Variants in ITGA11 observed in about 807,000 individuals in gnomAD.
ITGA11 encodes the protein integrin alpha-11.
A neutral mutation model predicts 141.9 loss-of-function variants in ITGA11; 97 were observed. That is an observed-to-expected ratio of 0.68 (90% CI 0.58 to 0.81). The LOEUF is 0.81. ITGA11 is among the 30% of genes least tolerant of loss of function. ITGA11 has a pLI of 0.00. For missense variants in ITGA11, 1,387 were observed against 1,559.2 expected (o/e 0.89, Z 1.86); for synonymous variants, 658 against 624.6 (o/e 1.05, Z -0.80).
intron 19 of ITGA11, among the ~76,000 whole-genome samples, chr15:68,320,870 C>T (rs1187866529): frequency 6.6e-6 from 1 of 152,166 alleles, no homozygotes; most frequent in East Asian, 1.9e-4. Context: ...ATAGTTGGAT[C>T]AAAGTTGAGC....
intron 2 of ITGA11, among the ~76,000 whole-genome samples, chr15:68,384,572 G>C (rs1895938396): frequency 6.6e-6 from 1 of 152,180 alleles, no homozygotes; most frequent in Non-Finnish European, 1.5e-5. Flanking sequence ...GGTCTGCTGG[G>C]TGGCTTGGCC....
chr15:68,309,945 G>A (rs1201212095), intron 26 of ITGA11, among the ~76,000 whole-genome samples: 1 of 152,086 alleles, frequency 6.6e-6, no homozygotes, highest in Non-Finnish European at 1.5e-5. Flanking sequence ...AATAATGGTT[G>A]CCCTTTAAAG....
In ITGA11 at chr15:68,305,301, C is replaced by G. The variant is rs1893156446; in HGVS notation, c.3382-1416G>C. Among the ~76,000 whole-genome samples, 1 of 152,238 alleles carries G rather than the reference C, an allele frequency of 6.6e-6. No homozygotes were observed. Among genetic ancestry groups the G allele is most frequent in the Non-Finnish European group, 1.5e-5 (1 of 68,044 alleles). On this transcript the variant is annotated intron_variant, in intron 28 of 29. Coordinates refer to ENST00000315757, the MANE Select transcript of ITGA11 (RefSeq NM_001004439.2). The surrounding 1 kb of genome is among the most constrained non-coding windows in gnomAD (Gnocchi z 4.6). The stretch of plus-strand genomic sequence containing the variant: ...GTCACTTTATTGGAGAGGCTTTTCC[C>G]AACTCCCCTGTATAAAACAGCACCC...
rs543295398 is a variant in ITGA11, at chr15:68,392,123, C to T, written c.164+10795G>A. The stretch of plus-strand genomic sequence containing the variant: ...CAATTACTATTCAATTTGATAAGTG[C>T]TATGAAAAGAGAAACACAGAATTCT... On this transcript the variant is annotated intron_variant, in intron 2 of 29. Coordinates refer to ENST00000315757, the MANE Select transcript of ITGA11 (RefSeq NM_001004439.2). Among the ~76,000 whole-genome samples the T allele has an allele frequency of 2.6e-5, 4 of 152,166 alleles. No homozygotes were observed. In the South Asian group the frequency reaches 8.3e-4, roughly 32 times the overall value.
chr15:68,300,877 C>T lies in ITGA11; in HGVS notation c.*2182G>A, dbSNP rs1595845370. The T allele has an allele frequency of 6.6e-6, 1 of 152,162 alleles. No individual in the cohort carries two copies. Among genetic ancestry groups the T allele is most frequent in the African/African-American group, 2.4e-5 (1 of 41,424 alleles). 9.4% of individuals were successfully genotyped at this position (152,162 alleles called of 1,614,324 possible). A position where few individuals can be genotyped will look rare whatever the true frequency, so the allele number is the denominator to read the frequency against. On this transcript the variant is annotated 3_prime_UTR_variant, in exon 30 of 30. Transcript: ENST00000315757. ...AGTTTTTAAAAATATGAATGCCAGCCTCTAAAAATCAGATATCCATAAGAG... is the reference window on the plus strand; with the variant it reads ...AGTTTTTAAAAATATGAATGCCAGCTTCTAAAAATCAGATATCCATAAGAG...
chr15:68,311,999 TGC>T (rs1401840302), intron 24 of ITGA11, among the ~76,000 whole-genome samples: 3 of 152,118 alleles, frequency 2.0e-5, no homozygotes, highest in Non-Finnish European at 2.9e-5. Flanking sequence ...GAACAAGCCA[TGC>T]AGGGCTCAGC....
rs147970769 is a variant in ITGA11 at position 68,391,742 on chromosome 15, T to C, written c.164+11176A>G. Among the ~76,000 whole-genome samples, 477 of 152,332 alleles carry C rather than the reference T, an allele frequency of 3.1e-3. 3 individuals are homozygous for C. The highest frequency in any genetic ancestry group is 4.8e-3 in the Non-Finnish European group (325 of 68,028). On this transcript the variant is annotated intron_variant, in intron 2 of 29. Transcript: ENST00000315757. Reference sequence around the variant, plus strand: ...AATACCAGGTCATATTTGACTTGCATTGGTTTTAAATTATTTCAAGGGTAT... The same window carrying C: ...AATACCAGGTCATATTTGACTTGCACTGGTTTTAAATTATTTCAAGGGTAT...
At chr15:68,398,654 TA>T (rs1896385126) in intron 2 of ITGA11, among the ~76,000 whole-genome samples, 1 of 147,980 alleles carries the variant, frequency 6.8e-6, no homozygotes, top group Non-Finnish European at 1.5e-5. Context: ...TAAAATGAAA[TA>T]AAAATATTTT....
Position 68,403,040 on chromosome 15 carries a change from GGGAGA to G in ITGA11, c.53-16_53-12del. On this transcript the variant is annotated splice_polypyrimidine_tract_variant and intron_variant, in intron 1 of 29. Coordinates refer to ENST00000315757, the MANE Select transcript of ITGA11 (RefSeq NM_001004439.2). ...AGGTGTCCGTGAACCCTGAGGCAGG[GGGAGA>G]GGAGAGGAGAAGCAGGGGAGTCAGA... 1 of 1,587,270 alleles carries G rather than the reference GGGAGA, an allele frequency of 6.3e-7. No individual in the cohort carries two copies. The highest frequency in any genetic ancestry group is 8.6e-7 in the Non-Finnish European group (1 of 1,157,512).
In ITGA11 at chr15:68,331,879, T is replaced by C. The variant is rs2140303507; in HGVS notation, c.1750A>G (p.Ile584Val). The change falls in exon 14 of 30, where the codon ATC becomes GTC. Residue 584 changes from isoleucine (I) to valine (V), a missense_variant. Physicochemically the swap from Ile to Val is conservative, Grantham distance 29 (BLOSUM62 3). Coordinates refer to ENST00000315757, the MANE Select transcript of ITGA11 (RefSeq NM_001004439.2). Reference protein sequence around the residue: ...IYIFHGFRGSILKTPKQRITA... With the variant: ...IYIFHGFRGSVLKTPKQRITA... ...CTGACCTGCTTAGGTGTCTTCAGGA[T>C]GCTGCCTCGGAAGCCGTGGAAGATG... 1 of 1,612,658 alleles carries C rather than the reference T, an allele frequency of 6.2e-7. No homozygotes were observed. The highest frequency in any genetic ancestry group is 1.3e-5 in the African/African-American group (1 of 74,988).
Position 68,325,176 on chromosome 15 carries a change from A to G in ITGA11, c.2277T>C (p.His759=), listed in dbSNP as rs370290209. 22 of 1,613,830 alleles carry G rather than the reference A, an allele frequency of 1.4e-5. No individual in the cohort carries two copies. Among genetic ancestry groups the G allele is most frequent in the Non-Finnish European group, 1.6e-5 (19 of 1,179,886 alleles). Residue 759 remains histidine, a synonymous_variant, in exon 18 of 30, where the codon CAT becomes CAC. Coordinates refer to ENST00000315757, the MANE Select transcript of ITGA11 (RefSeq NM_001004439.2). The surrounding 1 kb of genome is among the most constrained non-coding windows in gnomAD (Gnocchi z 5.5). The part of the protein sequence containing the change: ...SVEYSLEDPD[H]GPMLDDGWPT... ...GCCAGCCGTCGTCCAGCATGGGGCC[A>G]TGGTCAGGGTCCTCCAGGGAATACT...
intron 2 of ITGA11, among the ~76,000 whole-genome samples, chr15:68,373,163 G>C (rs967566): frequency 0.81 from 123,827 of 152,118 alleles, 50,657 homozygotes; most frequent in East Asian, 1. Flanking sequence ...CCAGGAAGCC[G>C]TCGGTGATTA....
chr15:68,370,740 A>C (rs1287846485), intron 2 of ITGA11, among the ~76,000 whole-genome samples: 1 of 152,238 alleles, frequency 6.6e-6, no homozygotes, highest in African/African-American at 2.4e-5. Context: ...TCTGGGGCAC[A>C]GGGACAGGTT....
chr15:68,379,877 A>G (rs77620433), intron 2 of ITGA11, among the ~76,000 whole-genome samples: 1,773 of 152,304 alleles, frequency 0.012, 47 homozygotes, highest in East Asian at 0.096. Context: ...TGGTATGTGT[A>G]GGTCTGACAG....
intron 10 of ITGA11, among the ~76,000 whole-genome samples, chr15:68,343,149 C>T (rs1301167636): frequency 2.0e-5 from 3 of 152,136 alleles, no homozygotes; most frequent in Non-Finnish European, 1.5e-5. Context: ...GGTAGCTCTT[C>T]TCGTTCATGA....
intron 1 of ITGA11, among the ~76,000 whole-genome samples, chr15:68,422,132 C>T (rs1478660315): frequency 1.3e-5 from 2 of 152,158 alleles, no homozygotes; most frequent in Non-Finnish European, 2.9e-5. Context: ...GTGGGGCGCT[C>T]CCTCTCACTC....
intron 19 of ITGA11, 131 bp from the exon 20 acceptor site, chr15:68,320,523 G>A: frequency 1.5e-6 from 1 of 665,954 alleles, no homozygotes; most frequent in South Asian, 1.9e-5. Context: ...AATAGCCACT[G>A]GGAGGAGAGT....
Position 68,350,730 on chromosome 15 carries a change from T to G in ITGA11, c.947A>C (p.Glu316Ala), listed in dbSNP as rs1011690107. The G allele has an allele frequency of 1.2e-6, 2 of 1,613,816 alleles. No homozygotes were observed. Among genetic ancestry groups the G allele is most frequent in the Admixed American group, 1.7e-5 (1 of 60,002 alleles). The change falls in exon 9 of 30, where the codon GAA becomes GCA. Residue 316 changes from glutamate (E) to alanine (A), a missense_variant. By Grantham distance (107) the Glu-to-Ala change is moderately radical. Coordinates refer to ENST00000315757, the MANE Select transcript of ITGA11 (RefSeq NM_001004439.2). ...AGGGTCACTGGCGATGTATTTGATT[T>G]CATTTAGAAAAGTTTCTGGATTGAT... ...RGINPETFLN[E>A]IKYIASDPDD...
chr15:68,407,643 G>A (rs1896679175), intron 1 of ITGA11, among the ~76,000 whole-genome samples: 2 of 152,152 alleles, frequency 1.3e-5, no homozygotes, highest in South Asian at 4.1e-4. Context: ...TGATGACAGA[G>A]GGGGAAAAAA....
Sources: allele counts gnomAD v4.1 joint callset (sites outside exome capture counted in the v4.1 genomes callset), GRCh38; gene constraint gnomAD v4.1.1; non-coding constraint Gnocchi (gnomAD v3.1); transcripts MANE v1.5; gene names NCBI Gene and HGNC (gene_info 2026-07-23, HGNC 2026-07-21).